Variants in SLC24A2 observed in about 807,000 individuals in gnomAD.
The protein encoded by SLC24A2 is sodium/potassium/calcium exchanger 2.
SLC24A2 carries 36 observed loss-of-function variants against 62.0 expected under a neutral mutation model. That is an observed-to-expected ratio of 0.58 (90% CI 0.44 to 0.77). SLC24A2 has a LOEUF of 0.77. Among genes scored for constraint, SLC24A2 ranks in the 30% least tolerant of loss-of-function variants. The pLI, the probability that SLC24A2 is intolerant of heterozygous loss-of-function variation, is 0.00. For synonymous variants in SLC24A2, 358 were observed against 294.0 expected (o/e 1.22, Z -2.23); for missense variants, 846 against 817.9 (o/e 1.03, Z -0.42).
At chr9:19,759,760 A>C (rs2118845781) in intron 2 of SLC24A2, among the ~76,000 whole-genome samples, 1 of 152,294 alleles carries the variant, frequency 6.6e-6, no homozygotes, top group Non-Finnish European at 1.5e-5. Flanking sequence ...GCCTGAATGA[A>C]ACTTACAGTT....
At chr9:19,545,529 T>C (rs1834514816) in intron 8 of SLC24A2, among the ~76,000 whole-genome samples, 1 of 152,110 alleles carries the variant, frequency 6.6e-6, no homozygotes, top group African/African-American at 2.4e-5. Context: ...TTTTCAGCCT[T>C]TTTGCGCGGG....
chr9:19,909,981 T>A, the SLC24A2 span, among the ~76,000 whole-genome samples: 1 of 152,280 alleles, frequency 6.6e-6, no homozygotes, highest in Middle Eastern at 3.4e-3. Flanking sequence ...CCCTTCCATA[T>A]TCACTCAAAA....
At chr9:19,799,978 A>G in the SLC24A2 span, among the ~76,000 whole-genome samples, 5 of 152,178 alleles carry the variant, frequency 3.3e-5, no homozygotes, top group African/African-American at 1.2e-4. Context: ...GTCTCTTTCT[A>G]GCTTCGGCGG....
At chr9:19,943,312 C>T in the SLC24A2 span, among the ~76,000 whole-genome samples, 5 of 152,084 alleles carry the variant, frequency 3.3e-5, no homozygotes, top group Non-Finnish European at 5.9e-5. Flanking sequence ...TAAACCTGGG[C>T]TTTCATGTAC....
chr9:19,772,773 A>C (rs1202704052), intron 2 of SLC24A2, among the ~76,000 whole-genome samples: 3 of 152,226 alleles, frequency 2.0e-5, no homozygotes, highest in Admixed American at 1.3e-4. Context: ...GGGGCTTTGG[A>C]AAACAGTTGG....
At chr9:20,046,039 C>G in the SLC24A2 span, among the ~76,000 whole-genome samples, 35 of 152,198 alleles carry the variant, frequency 2.3e-4, no homozygotes, top group African/African-American at 2.4e-5. Context: ...TAGCTGCTCT[C>G]ATATCAAAAG....
At chr9:19,790,832 C>T (rs1823310792), upstream of SLC24A2, among the ~76,000 whole-genome samples, 1 of 152,146 alleles carries the variant, frequency 6.6e-6, no homozygotes, top group South Asian at 2.1e-4. Context: ...CCTCTGGCTA[C>T]ATGGGGTGCG....
the SLC24A2 span, among the ~76,000 whole-genome samples, chr9:20,001,188 C>G: frequency 0.28 from 42,655 of 152,152 alleles, 6,337 homozygotes; most frequent in East Asian, 0.41. Flanking sequence ...TGCTGCGCCA[C>G]ACATCCTGTC....
intron 5 of SLC24A2, among the ~76,000 whole-genome samples, chr9:19,588,243 A>G: frequency 6.6e-6 from 1 of 151,862 alleles, no homozygotes; most frequent in South Asian, 2.1e-4. Flanking sequence ...GTGCCCAGAA[A>G]AATCCTCTGG....
intron 2 of SLC24A2, among the ~76,000 whole-genome samples, chr9:19,781,607 A>G (rs1373741968): frequency 1.3e-5 from 2 of 152,222 alleles, no homozygotes; most frequent in Non-Finnish European, 2.9e-5. Flanking sequence ...AGAGGGAAAC[A>G]AAATAAGGAA....
At chr9:19,657,958 G>C (rs1206025735) in intron 2 of SLC24A2, among the ~76,000 whole-genome samples, 1 of 152,124 alleles carries the variant, frequency 6.6e-6, no homozygotes, top group Non-Finnish European at 1.5e-5. Context: ...AACTTCTTAT[G>C]AGTCTTAAAA....
At chr9:19,919,846 C>T in the SLC24A2 span, among the ~76,000 whole-genome samples, 5 of 152,064 alleles carry the variant, frequency 3.3e-5, no homozygotes, top group African/African-American at 1.2e-4. Flanking sequence ...TGCAGGTAAC[C>T]GCCCCCATGA....
the SLC24A2 span, among the ~76,000 whole-genome samples, chr9:20,286,176 G>A: frequency 7.9e-5 from 12 of 152,328 alleles, no homozygotes; most frequent in African/African-American, 2.9e-4. Context: ...AGAGGTGGGT[G>A]CGCATATCTT....
At chr9:19,761,781 T>C (rs1328231080) in intron 2 of SLC24A2, among the ~76,000 whole-genome samples, 1 of 152,208 alleles carries the variant, frequency 6.6e-6, no homozygotes, top group African/African-American at 2.4e-5. Context: ...GGTTTCCAGC[T>C]TCATCCACGT....
At chr9:20,026,264 T>G in the SLC24A2 span, among the ~76,000 whole-genome samples, 2 of 152,198 alleles carry the variant, frequency 1.3e-5, no homozygotes, top group Non-Finnish European at 1.5e-5. Context: ...AGGCCCCATT[T>G]AAAGTCATTC....
the SLC24A2 span, among the ~76,000 whole-genome samples, chr9:20,231,387 G>C: frequency 1.3e-5 from 2 of 152,150 alleles, no homozygotes; most frequent in African/African-American, 2.4e-5. Context: ...TCTTCCATTT[G>C]TTTGTAACCT....
At chr9:19,767,247 T>C (rs538760088) in intron 2 of SLC24A2, among the ~76,000 whole-genome samples, 1 of 152,326 alleles carries the variant, frequency 6.6e-6, no homozygotes, top group East Asian at 1.9e-4. Flanking sequence ...GTGTGGGATC[T>C]GCTTAGCTAG....
intron 2 of SLC24A2, among the ~76,000 whole-genome samples, chr9:19,758,110 A>C (rs1012368877): frequency 6.6e-6 from 1 of 152,190 alleles, no homozygotes; most frequent in Non-Finnish European, 1.5e-5. Flanking sequence ...ATAGCAACAC[A>C]AAACAGACTA....
the SLC24A2 span, among the ~76,000 whole-genome samples, chr9:20,031,827 G>C: frequency 6.6e-6 from 1 of 152,148 alleles, no homozygotes; most frequent in African/African-American, 2.4e-5. Flanking sequence ...GTTGCTGTAG[G>C]GGCGTTGGTG....
Sources: allele counts gnomAD v4.1 joint callset (sites outside exome capture counted in the v4.1 genomes callset), GRCh38; gene constraint gnomAD v4.1.1; transcripts MANE v1.5; gene names NCBI Gene and HGNC (gene_info 2026-07-23, HGNC 2026-07-21).